Variants in ANKS1B observed in about 807,000 individuals in gnomAD.
ANKS1B encodes ankyrin repeat and sterile alpha motif domain-containing protein 1B.
In ANKS1B, 36 loss-of-function variants were observed where a neutral mutation model predicts 148.3. That is an observed-to-expected ratio of 0.24 (90% CI 0.19 to 0.32). The LOEUF (loss-of-function observed/expected upper bound fraction) is 0.32, where lower values mean the gene tolerates loss of function less well. Ranked by LOEUF, ANKS1B falls within the 10% of genes least tolerant of loss-of-function variation. The pLI, the probability that ANKS1B is intolerant of heterozygous loss-of-function variation, is 1.00. For missense variants in ANKS1B, 1,157 were observed against 1,542.6 expected, an observed-to-expected ratio of 0.75 and a Z score of 4.19; for synonymous variants, 542 against 560.8, an observed-to-expected ratio of 0.97 and a Z score of 0.47.
rs564701726 is a variant in ANKS1B at position 99,203,972 on chromosome 12, G to A, written c.2419+40370C>T. 2.6e-5 allele frequency among the ~76,000 whole-genome samples: 4 copies of A among 152,306 alleles called. 1 individual carries two copies. Among genetic ancestry groups the A allele is most frequent in the African/African-American group, 9.6e-5 (4 of 41,554 alleles). ...GGGAACTGGAACAGGAGAAGTGTATGTTGTATAATCTGATGTCACCCCAAA... is the reference window on the plus strand; with the variant it reads ...GGGAACTGGAACAGGAGAAGTGTATATTGTATAATCTGATGTCACCCCAAA... On this transcript the variant is annotated intron_variant, in intron 14 of 26. Coordinates refer to ENST00000683438, the MANE Select transcript of ANKS1B (RefSeq NM_001352186.2).
Position 99,210,718 on chromosome 12 carries a change from G to A in ANKS1B, c.2419+33624C>T, listed in dbSNP as rs144268575. On this transcript the variant is annotated intron_variant, in intron 14 of 26. Transcript: ENST00000683438. ...CAAATTGGCTACTTGGTTAAAATGG[G>A]TAGATTCCTTTTCTGGCTCATTCTT... 5.9e-5 allele frequency among the ~76,000 whole-genome samples: 9 copies of A among 152,308 alleles called. No homozygotes were observed. In the East Asian group the frequency reaches 1.7e-3, roughly 29 times the overall value.
intron 12 of ANKS1B, among the ~76,000 whole-genome samples, chr12:99,358,817 C>G (rs1314687893): frequency 1.3e-5 from 2 of 152,100 alleles, no homozygotes; most frequent in South Asian, 2.1e-4. Context: ...ACAGGTAAAA[C>G]TGACATAGTC....
chr12:99,261,318 C>T (rs1199381169), intron 12 of ANKS1B, among the ~76,000 whole-genome samples: 1 of 152,182 alleles, frequency 6.6e-6, no homozygotes, highest in Non-Finnish European at 1.5e-5. Context: ...GTACCACACT[C>T]TTCTGGTTTT....
chr12:98,990,152 G>A (rs545258931), intron 17 of ANKS1B, among the ~76,000 whole-genome samples: 2 of 152,264 alleles, frequency 1.3e-5, no homozygotes, highest in African/African-American at 2.4e-5. Context: ...CCATGTGCAT[G>A]AGATCTCTTT....
rs1029657388 is a variant in ANKS1B, at chr12:98,744,190, A to G, written c.*1549T>C. Reference sequence around the variant, plus strand: ...TTTGCTACATACATATCAACAGTGAATAGGCAAAATATATACAAGGAACTG... The same window carrying G: ...TTTGCTACATACATATCAACAGTGAGTAGGCAAAATATATACAAGGAACTG... On this transcript the variant is annotated 3_prime_UTR_variant, in exon 27 of 27. Transcript: ENST00000683438. The G allele has an allele frequency of 8.2e-6, 8 of 978,030 alleles. No homozygotes were observed. The highest frequency in any genetic ancestry group is 9.7e-6 in the Non-Finnish European group (8 of 822,768). The allele number at this position is 978,030 out of a possible 1,614,324, so 60.6% of individuals were successfully genotyped here. A position where few individuals can be genotyped will look rare whatever the true frequency, so the allele number is the denominator to read the frequency against.
intron 17 of ANKS1B, chr12:98,894,688 C>T (rs2099760192): frequency 2.4e-5 from 24 of 985,590 alleles, no homozygotes; most frequent in Non-Finnish European, 2.9e-5. Flanking sequence ...GCTCTGGCCC[C>T]CGAGGACGCA....
At chr12:99,920,704 C>CA (rs2094326204) in intron 1 of ANKS1B, among the ~76,000 whole-genome samples, 1 of 152,082 alleles carries the variant, frequency 6.6e-6, no homozygotes, top group African/African-American at 2.4e-5. Flanking sequence ...GTGTAAATCT[C>CA]AGAGTCCAAA....
intron 12 of ANKS1B, among the ~76,000 whole-genome samples, chr12:99,284,593 T>G (rs549037839): frequency 1.3e-5 from 2 of 152,228 alleles, no homozygotes; most frequent in Non-Finnish European, 2.9e-5. Context: ...ACCAGTGTTT[T>G]TTTTCTTGCC....
intron 22 of ANKS1B, 52 bp downstream of exon 22, chr12:98,798,882 C>T (rs747491875): frequency 5.5e-6 from 8 of 1,462,518 alleles, no homozygotes; most frequent in Non-Finnish European, 7.6e-6. Flanking sequence ...TGTATCCATA[C>T]CCAGTATTTA....
At chr12:98,874,204 G>A (rs1349017035) in intron 17 of ANKS1B, among the ~76,000 whole-genome samples, 2 of 152,038 alleles carry the variant, frequency 1.3e-5, no homozygotes, top group Non-Finnish European at 2.9e-5. Flanking sequence ...CCTGAAAATT[G>A]TAACTTGGCA....
chr12:99,503,982 T>C (rs1289392998), intron 10 of ANKS1B, among the ~76,000 whole-genome samples: 1 of 152,180 alleles, frequency 6.6e-6, no homozygotes, highest in African/African-American at 2.4e-5. Flanking sequence ...AATTTCTTTA[T>C]CAGCAAAATA....
intron 12 of ANKS1B, among the ~76,000 whole-genome samples, chr12:99,369,038 A>T (rs2092939542): frequency 6.6e-6 from 1 of 152,188 alleles, no homozygotes; most frequent in Non-Finnish European, 1.5e-5. Context: ...ACCTGATGTC[A>T]TTCCCAACAG....
chr12:99,868,408 C>A (rs533785710), intron 1 of ANKS1B, among the ~76,000 whole-genome samples: 1 of 152,140 alleles, frequency 6.6e-6, no homozygotes, highest in Non-Finnish European at 1.5e-5. Context: ...AAGTTTTCTT[C>A]TTGAAATTGG....
chr12:99,090,373 G>A (rs1430090646), intron 15 of ANKS1B, among the ~76,000 whole-genome samples: 1 of 152,012 alleles, frequency 6.6e-6, no homozygotes, highest in Non-Finnish European at 1.5e-5. Flanking sequence ...ACAGGGAACT[G>A]GCTTATTCTT....
intron 11 of ANKS1B, among the ~76,000 whole-genome samples, chr12:99,439,312 A>C (rs1297994225): frequency 6.6e-6 from 1 of 151,720 alleles, no homozygotes; most frequent in Non-Finnish European, 1.5e-5. Flanking sequence ...TCTGACATAA[A>C]AATTAAAATA....
At chr12:99,311,349 T>C (rs1448278962) in intron 12 of ANKS1B, among the ~76,000 whole-genome samples, 1 of 151,912 alleles carries the variant, frequency 6.6e-6, no homozygotes, top group Non-Finnish European at 1.5e-5. Flanking sequence ...GGTGCATCCA[T>C]GGAATTAAAG....
intron 12 of ANKS1B, chr12:99,352,159 T>G (rs2091489158): frequency 2.0e-5 from 3 of 151,896 alleles, no homozygotes; most frequent in Admixed American, 1.3e-4. Flanking sequence ...AAACATGTTC[T>G]TTACTCCAAG....
At chr12:98,783,842 A>C (rs2098761919) in intron 22 of ANKS1B, among the ~76,000 whole-genome samples, 1 of 152,170 alleles carries the variant, frequency 6.6e-6, no homozygotes, top group Non-Finnish European at 1.5e-5. Flanking sequence ...TTGCAGAAAG[A>C]TTCTTCTGGT....
At chr12:99,054,736 G>A (rs938702896) in intron 16 of ANKS1B, among the ~76,000 whole-genome samples, 3 of 152,072 alleles carry the variant, frequency 2.0e-5, no homozygotes. Context: ...AAGAGACAGA[G>A]TTTCACCATG....
Sources: gnomAD v4.1 joint callset for allele counts (sites outside exome capture counted in the v4.1 genomes callset) on GRCh38, gnomAD v4.1.1 for gene constraint, MANE v1.5 for transcripts, NCBI Gene and HGNC (gene_info 2026-07-23, HGNC 2026-07-21) for gene names.